Variants in PDHX observed in about 807,000 individuals in gnomAD.
The protein encoded by PDHX is pyruvate dehydrogenase complex component X.
In PDHX, 33 loss-of-function variants were observed where a neutral mutation model predicts 55.3. The ratio of observed to expected loss-of-function variants is 0.60; its 90% CI spans 0.45 to 0.80. The LOEUF (loss-of-function observed/expected upper bound fraction) is 0.80, where lower values mean the gene tolerates loss of function less well. Among genes scored for constraint, PDHX ranks in the 30% least tolerant of loss-of-function variants. The probability of loss-of-function intolerance (pLI) is 0.00; values close to 1 mark genes in which losing one functional copy is unlikely to be tolerated. For synonymous variants in PDHX, 226 were observed against 219.4 expected (o/e 1.03, Z -0.27); for missense variants, 622 against 619.9 (o/e 1.00, Z -0.04).
At chr11:34,928,143 G>A (rs1050072056) in intron 1 of PDHX, among the ~76,000 whole-genome samples, 12 of 152,086 alleles carry the variant, frequency 7.9e-5, no homozygotes, top group African/African-American at 2.7e-4. Context: ...AATGTGAATT[G>A]TGTCGTGACA....
chr11:34,956,702 G>A (rs2956100), intron 3 of PDHX, among the ~76,000 whole-genome samples: 99,456 of 145,962 alleles, frequency 0.68, 33,422 homozygotes, highest in East Asian at 0.77. Flanking sequence ...ATCTGTGGAA[G>A]AAATGCTTTA....
At chr11:34,934,571 A>ATTT (rs35227178) in intron 2 of PDHX, among the ~76,000 whole-genome samples, 7,334 of 92,340 alleles carry the variant, frequency 0.079, 586 homozygotes, top group Non-Finnish European at 0.088. Flanking sequence ...GATATTATGG[A>ATTT]TTTTTTTTTT....
intron 5 of PDHX, among the ~76,000 whole-genome samples, chr11:34,964,938 A>G (rs184647656): frequency 6.6e-6 from 1 of 152,312 alleles, no homozygotes; most frequent in Admixed American, 6.5e-5. Context: ...TAGTGTCAGC[A>G]ACCTTTTTTT....
chr11:34,972,866 T>C (rs1855285907), intron 7 of PDHX, among the ~76,000 whole-genome samples: 1 of 152,220 alleles, frequency 6.6e-6, no homozygotes, highest in African/African-American at 2.4e-5. Flanking sequence ...GAGAACACAC[T>C]TTATATGATT....
At chr11:34,931,976 T>C (rs1404945060) in intron 2 of PDHX, among the ~76,000 whole-genome samples, 1 of 152,058 alleles carries the variant, frequency 6.6e-6, no homozygotes. Context: ...TGAAATATAG[T>C]ATTAAGCATT....
chr11:34,964,797 A>G (rs950504305), intron 5 of PDHX, among the ~76,000 whole-genome samples: 9 of 149,676 alleles, frequency 6.0e-5, no homozygotes, highest in Admixed American at 3.3e-4. Context: ...AATATTAGCT[A>G]TTAGCATAAC....
rs1362602278 is a variant in PDHX at position 34,965,176 on chromosome 11, C to T, written c.642-1464C>T. 2.6e-5 allele frequency among the ~76,000 whole-genome samples: 4 copies of T among 152,156 alleles called. No individual in the cohort carries two copies. The East Asian group carries it at 7.7e-4, about 29-fold the overall frequency. ...GCTGAAATCAAAGTGTTGGCCAAGGCTGGGGACTCATGTGAAGCTTGGGGT... is the reference window on the plus strand; with the variant it reads ...GCTGAAATCAAAGTGTTGGCCAAGGTTGGGGACTCATGTGAAGCTTGGGGT... On this transcript the variant is annotated intron_variant, in intron 5 of 10. Coordinates refer to ENST00000227868, the MANE Select transcript of PDHX (RefSeq NM_003477.3).
At chr11:34,927,199 G>A (rs939303395) in intron 1 of PDHX, among the ~76,000 whole-genome samples, 12 of 147,272 alleles carry the variant, frequency 8.1e-5, no homozygotes, top group African/African-American at 3.0e-4. Context: ...TTTATAAGAA[G>A]GAGCAGAACA....
At chr11:34,937,301 T>C (rs979970307) in intron 2 of PDHX, among the ~76,000 whole-genome samples, 1 of 151,924 alleles carries the variant, frequency 6.6e-6, no homozygotes, top group African/African-American at 2.4e-5. Flanking sequence ...GGATATAATA[T>C]TATAAGTAAA....
chr11:34,954,083 A>G (rs989722265), intron 3 of PDHX, among the ~76,000 whole-genome samples: 2 of 152,228 alleles, frequency 1.3e-5, no homozygotes, highest in African/African-American at 2.4e-5. Flanking sequence ...AAATTGTATA[A>G]TGATTCACAC....
intron 1 of PDHX, among the ~76,000 whole-genome samples, 176 bp downstream of exon 1, chr11:34,916,991 T>C (rs1853733723): frequency 6.6e-6 from 1 of 152,118 alleles, no homozygotes; most frequent in Admixed American, 6.6e-5. Context: ...GTGAAGGGCT[T>C]TCTTGGCAGC....
At chr11:34,980,259 T>C (rs1855479017) in intron 8 of PDHX, among the ~76,000 whole-genome samples, 1 of 151,394 alleles carries the variant, frequency 6.6e-6, no homozygotes, top group Non-Finnish European at 1.5e-5. Context: ...TGTTTTGTTA[T>C]GTATTTTTTC....
intron 3 of PDHX, among the ~76,000 whole-genome samples, chr11:34,953,864 G>A (rs1854841461): frequency 6.6e-6 from 1 of 152,208 alleles, no homozygotes; most frequent in African/African-American, 2.4e-5. Flanking sequence ...AGGATTAAAT[G>A]AGTTAATGCT....
At chr11:34,985,563 A>G (rs182916089) in intron 9 of PDHX, among the ~76,000 whole-genome samples, 1 of 152,364 alleles carries the variant, frequency 6.6e-6, no homozygotes, top group Admixed American at 6.5e-5. Flanking sequence ...AGTACATCGA[A>G]TAGGCAAGAA....
In PDHX at chr11:34,916,812, C is replaced by T. The variant is rs1163757788; in HGVS notation, c.157C>T (p.Arg53Trp). The change falls in exon 1 of 11, where the codon CGG (arginine) becomes TGG (tryptophan). Residue 53 changes from arginine to tryptophan, a missense_variant. Physicochemically the swap from Arg to Trp is moderately radical, Grantham distance 101 (BLOSUM62 -3). Transcript: ENST00000227868. ...WRWFHSTQWL[R>W]GDPIKILMPS... Reference sequence around the variant, plus strand: ...ATGGTTTCACAGCACGCAGTGGCTTCGGGGTGAGTGGCCGGGGCTCGCTCA... The same window carrying T: ...ATGGTTTCACAGCACGCAGTGGCTTTGGGGTGAGTGGCCGGGGCTCGCTCA... The T allele has an allele frequency of 6.4e-7, 1 of 1,573,596 alleles. No homozygotes were observed. The highest frequency in any genetic ancestry group is 8.6e-7 in the Non-Finnish European group (1 of 1,159,958).
chr11:34,957,794 C>G (rs1179634413), intron 4 of PDHX, among the ~76,000 whole-genome samples: 1 of 151,828 alleles, frequency 6.6e-6, no homozygotes, highest in African/African-American at 2.4e-5. Context: ...TGCTATGTTC[C>G]AGGTACTCTA....
chr11:34,953,528 G>A (rs59671046), intron 3 of PDHX, among the ~76,000 whole-genome samples: 1 of 152,268 alleles, frequency 6.6e-6, no homozygotes, highest in African/African-American at 2.4e-5. Context: ...CAGATTGTGA[G>A]GAAAGATAGT....
At chr11:34,993,101 A>G (rs908971106) in intron 10 of PDHX, among the ~76,000 whole-genome samples, 1 of 152,170 alleles carries the variant, frequency 6.6e-6, no homozygotes, top group African/African-American at 2.4e-5. Context: ...TTCACTCATC[A>G]GCCGTTTGGG....
rs372457377 is a variant in PDHX, at chr11:34,922,498, G to A, written c.160+5683G>A. Among the ~76,000 whole-genome samples the A allele has an allele frequency of 2.1e-3, 313 of 152,286 alleles. 3 individuals carry two copies. The highest frequency in any genetic ancestry group is 7.1e-3 in the African/African-American group (295 of 41,548). On this transcript the variant is annotated intron_variant, in intron 1 of 10. Coordinates refer to ENST00000227868, the MANE Select transcript of PDHX (RefSeq NM_003477.3). ...GTTTCCTTAACCATAGTCTACCTCA[G>A]TATCAAGTGATAGCTTGATTATAGA... is the stretch of plus-strand genomic sequence containing the variant.
Sources: gnomAD v4.1 joint callset for allele counts (sites outside exome capture counted in the v4.1 genomes callset) on GRCh38, gnomAD v4.1.1 for gene constraint, MANE v1.5 for transcripts, NCBI Gene and HGNC (gene_info 2026-07-23, HGNC 2026-07-21) for gene names.